Variants in USP4 observed in about 807,000 individuals in gnomAD.
USP4 encodes ubiquitin carboxyl-terminal hydrolase 4.
USP4 carries 72 observed loss-of-function variants against 118.2 expected under a neutral mutation model. That is an observed-to-expected ratio of 0.61 (90% CI 0.50 to 0.74). The LOEUF is 0.74. USP4 is among the 30% of genes least tolerant of loss of function. The pLI, the probability that USP4 is intolerant of heterozygous loss-of-function variation, is 0.00. For missense variants in USP4, 1,037 were observed against 1,185.7 expected, an observed-to-expected ratio of 0.87 and a Z score of 1.84; for synonymous variants, 415 against 440.4, an observed-to-expected ratio of 0.94 and a Z score of 0.72.
intron 10 of USP4, among the ~76,000 whole-genome samples, 195 bp downstream of exon 10, chr3:49,302,189 T>TA (rs200559085): frequency 3.8e-3 from 473 of 123,996 alleles, no homozygotes; most frequent in African/African-American, 7.4e-3. Flanking sequence ...TGTCTCTATT[T>TA]AAAAAAAAAA....
chr3:49,298,672 C>A, intron 11 of USP4, 37 bp from the exon 12 acceptor site: 1 of 1,596,370 alleles, frequency 6.3e-7, no homozygotes, highest in South Asian at 1.1e-5. Context: ...CAGGGGTGCC[C>A]CACAAAGGGT....
Position 49,340,029 on chromosome 3 carries a change from T to C in USP4, c.-5A>G, listed in dbSNP as rs994937912. ...GCAGCCTCCACCTTCCGCCATCTCC[T>C]CCGCGGCCCCGGCCCAGCCGGCCCG... On this transcript the variant is annotated 5_prime_UTR_variant, in exon 1 of 22. Transcript: ENST00000265560. 2 of 1,604,612 alleles carry C rather than the reference T, an allele frequency of 1.2e-6. No homozygotes were observed.
chr3:49,325,351 C>A (rs2047541866), intron 4 of USP4, among the ~76,000 whole-genome samples: 1 of 151,868 alleles, frequency 6.6e-6, no homozygotes, highest in Non-Finnish European at 1.5e-5. Context: ...CATTTTCTGG[C>A]TGCGATTTGT....
rs530230116 is a variant in USP4, at chr3:49,319,866, T to C, written c.695+4836A>G. Among the ~76,000 whole-genome samples the C allele has an allele frequency of 5.3e-5, 8 of 152,138 alleles. No homozygotes were observed. In the South Asian group the frequency reaches 1.7e-3, roughly 32 times the overall value. On this transcript the variant is annotated intron_variant, in intron 6 of 21. Coordinates refer to ENST00000265560, the MANE Select transcript of USP4 (RefSeq NM_003363.4). ...CCTGACCTCAAGTGATCCACCCACC[T>C]CCGCCTCCCAAAGTGGGATTACAGG...
intron 15 of USP4, among the ~76,000 whole-genome samples, chr3:49,287,535 C>T (rs1405748914): frequency 6.6e-6 from 1 of 151,352 alleles, no homozygotes; most frequent in Non-Finnish European, 1.5e-5. Flanking sequence ...TACATTGGTG[C>T]AATCTCGGCT....
intron 6 of USP4, among the ~76,000 whole-genome samples, chr3:49,320,447 A>AAAAAAGAAAAAG (rs71077787): frequency 3.3e-5 from 5 of 150,526 alleles, no homozygotes; most frequent in South Asian, 2.1e-4. Context: ...CATCTCAAAC[A>AAAAAAGAAAAAG]AAAAAGAAAA....
intron 15 of USP4, 42 bp from the exon 16 acceptor site, chr3:49,286,367 C>A: frequency 6.3e-7 from 1 of 1,582,662 alleles, no homozygotes; most frequent in South Asian, 1.1e-5. Context: ...AATTTCCTAC[C>A]ATTTCAATGT....
At chr3:49,325,613 A>C in intron 4 of USP4, 106 bp downstream of exon 4, 1 of 1,482,678 alleles carries the variant, frequency 6.7e-7, no homozygotes, top group Non-Finnish European at 9.1e-7. Context: ...TGATTTGGGT[A>C]ACAAATCTAA....
At chr3:49,310,939 G>T (rs895084275) in intron 7 of USP4, among the ~76,000 whole-genome samples, 2 of 152,092 alleles carry the variant, frequency 1.3e-5, no homozygotes. Flanking sequence ...ACATCCTTAA[G>T]GAAAGAAACA....
At chr3:49,335,845 A>C (rs566214124) in intron 1 of USP4, among the ~76,000 whole-genome samples, 7 of 152,290 alleles carry the variant, frequency 4.6e-5, no homozygotes, top group Admixed American at 2.6e-4. Context: ...TGGTTTCAAA[A>C]TGCTTATTTA....
chr3:49,313,593 T>C (rs143580044), intron 6 of USP4, among the ~76,000 whole-genome samples: 119 of 151,936 alleles, frequency 7.8e-4, no homozygotes, highest in Middle Eastern at 3.4e-3. Context: ...GCAAATTAAA[T>C]AGCTGGATAT....
intron 6 of USP4, chr3:49,317,008 G>A (rs1041982980): frequency 1.3e-6 from 1 of 773,230 alleles, no homozygotes. Flanking sequence ...CTGCCATGAA[G>A]AAGACGCTCT....
intron 10 of USP4, among the ~76,000 whole-genome samples, chr3:49,300,938 A>G (rs765712236): frequency 2.1e-4 from 32 of 151,998 alleles, no homozygotes; most frequent in Non-Finnish European, 3.4e-4. Context: ...ATATATACAT[A>G]TTTCAAATAT....
intron 11 of USP4, 86 bp from the exon 12 acceptor site, chr3:49,298,721 G>A: frequency 8.5e-7 from 1 of 1,178,540 alleles, no homozygotes; most frequent in South Asian, 1.2e-5. Context: ...ACTAGGGGCA[G>A]AGGAGCCCTT....
At chr3:49,329,441 C>T (rs993142483) in intron 2 of USP4, among the ~76,000 whole-genome samples, 4 of 152,090 alleles carry the variant, frequency 2.6e-5, no homozygotes, top group Admixed American at 6.6e-5. Flanking sequence ...TACTCTATCA[C>T]CCAGGCTGAA....
intron 11 of USP4, 28 bp from the exon 12 acceptor site, chr3:49,298,663 AG>A: frequency 6.2e-7 from 1 of 1,608,872 alleles, no homozygotes; most frequent in African/African-American, 1.3e-5. Flanking sequence ...TCAAGGTCAC[AG>A]GGGTGCCCCA....
rs1575597207 is a variant in USP4, at chr3:49,277,862, G to C, written c.*431C>G. 1 of 338,986 alleles carries C rather than the reference G, an allele frequency of 2.9e-6. No homozygotes were observed. Among genetic ancestry groups the C allele is most frequent in the Non-Finnish European group, 5.3e-6 (1 of 189,566 alleles). The allele number at this position is 338,986 out of a possible 1,614,324, so 21.0% of individuals were successfully genotyped here. A position where few individuals can be genotyped will look rare whatever the true frequency, so the allele number is the denominator to read the frequency against. On this transcript the variant is annotated 3_prime_UTR_variant, in exon 22 of 22. Transcript: ENST00000265560. ...GAAAGGGGAGTTTACTTGAGGTTTGGGTTACTGTGAGCAGACTACTTGGGG... is the reference window on the plus strand; with the variant it reads ...GAAAGGGGAGTTTACTTGAGGTTTGCGTTACTGTGAGCAGACTACTTGGGG...
intron 16 of USP4, 95 bp downstream of exon 16, chr3:49,286,003 G>T: frequency 8.3e-7 from 1 of 1,206,370 alleles, no homozygotes; most frequent in Non-Finnish European, 1.2e-6. Context: ...CACAGAGACT[G>T]TGAAAGCCCA....
chr3:49,320,951 A>G (rs2047493114), intron 6 of USP4, among the ~76,000 whole-genome samples: 2 of 152,154 alleles, frequency 1.3e-5, no homozygotes, highest in African/African-American at 4.8e-5. Flanking sequence ...TATACAGTAC[A>G]TCCCAGCCTT....
Sources: gnomAD v4.1 joint callset for allele counts (sites outside exome capture counted in the v4.1 genomes callset) on GRCh38, gnomAD v4.1.1 for gene constraint, MANE v1.5 for transcripts, NCBI Gene and HGNC (gene_info 2026-07-23, HGNC 2026-07-21) for gene names.